The following LCORL variants were observed in gnomAD, a reference collection of about 807,000 sequenced individuals.
LCORL encodes the protein ligand dependent nuclear receptor corepressor like, also known as ligand-dependent nuclear receptor corepressor-like protein.
A neutral mutation model predicts 141.8 loss-of-function variants in LCORL; 41 were observed. The ratio of observed to expected loss-of-function variants is 0.29; its 90% CI spans 0.23 to 0.38. The LOEUF (loss-of-function observed/expected upper bound fraction) is 0.38. Ranked by LOEUF, LCORL falls within the 10% of genes least tolerant of loss-of-function variation. The pLI, the probability that LCORL is intolerant of heterozygous loss-of-function variation, is 1.00. For missense variants in LCORL, 1,759 were observed against 2,035.0 expected (o/e 0.86, Z 2.61); for synonymous variants, 618 against 694.1 (o/e 0.89, Z 1.72).
chr4:17,891,965 C>T (rs989810651), intron 5 of LCORL, among the ~76,000 whole-genome samples: 2 of 151,942 alleles, frequency 1.3e-5, no homozygotes, highest in Non-Finnish European at 2.9e-5. Context: ...AAAAAAAATC[C>T]GTAAACTTAA....
At chr4:17,861,977 TCAA>T (rs1256620224) in intron 7 of LCORL, among the ~76,000 whole-genome samples, 1 of 152,202 alleles carries the variant, frequency 6.6e-6, no homozygotes, top group Non-Finnish European at 1.5e-5. Flanking sequence ...TCAAAGCCAT[TCAA>T]CAAGTCTCTA....
At chr4:17,898,654 T>G (rs1464119746) in intron 5 of LCORL, among the ~76,000 whole-genome samples, 6 of 27,286 alleles carry the variant, frequency 2.2e-4, no homozygotes, top group Non-Finnish European at 8.3e-4. Context: ...TTCTCACCGT[T>G]TTTTTTTTTT....
At chr4:17,864,608 T>C (rs1725420507) in intron 7 of LCORL, among the ~76,000 whole-genome samples, 1 of 152,126 alleles carries the variant, frequency 6.6e-6, no homozygotes, top group South Asian at 2.1e-4. Context: ...GAACAAATAG[T>C]AGGTGGGACA....
intron 4 of LCORL, among the ~76,000 whole-genome samples, chr4:17,919,689 A>C (rs1034577472): frequency 6.6e-6 from 1 of 152,216 alleles, no homozygotes; most frequent in African/African-American, 2.4e-5. Flanking sequence ...CATAACTTCC[A>C]CAGCCCTTGT....
In LCORL at chr4:17,884,811, T is replaced by C; in HGVS notation, c.776+1257A>G. 1 of 958,286 alleles carries C rather than the reference T, an allele frequency of 1.0e-6. No individual in the cohort carries two copies. Among genetic ancestry groups the C allele is most frequent in the South Asian group, 2.3e-5 (1 of 43,974 alleles). The allele number at this position is 958,286 out of a possible 1,614,324, so 59.4% of individuals were successfully genotyped here. ...TGCATGAGAGACTCTCACACAGCTA[T>C]GGAAGGGGAGGGTCCACTCCTTTAT... On this transcript the variant is annotated intron_variant, in intron 6 of 7. Coordinates refer to ENST00000635767, the Ensembl canonical transcript of LCORL. The surrounding 1 kb of genome is among the most constrained non-coding windows in gnomAD (Gnocchi z 4.4).
At chr4:18,004,431 G>C (rs1166846269) in intron 1 of LCORL, among the ~76,000 whole-genome samples, 2 of 152,166 alleles carry the variant, frequency 1.3e-5, no homozygotes, top group South Asian at 4.2e-4. Context: ...CAAGAGAAAA[G>C]TGCTTGTGCA....
intron 7 of LCORL, among the ~76,000 whole-genome samples, chr4:17,869,206 G>C (rs1286934452): frequency 1.3e-5 from 2 of 151,722 alleles, no homozygotes; most frequent in Non-Finnish European, 2.9e-5. Flanking sequence ...TTCCCTATTG[G>C]CTTTTTTCCA....
intron 1 of LCORL, among the ~76,000 whole-genome samples, chr4:18,018,467 CTA>C (rs1724970007): frequency 6.6e-6 from 1 of 152,030 alleles, no homozygotes; most frequent in Admixed American, 6.5e-5. Context: ...GAAAAGAAAA[CTA>C]TGTGGAATGA....
intron 1 of LCORL, among the ~76,000 whole-genome samples, chr4:18,007,901 A>G (rs1450145854): frequency 1.3e-5 from 2 of 152,142 alleles, no homozygotes; most frequent in Non-Finnish European, 2.9e-5. Flanking sequence ...ACAAATACTA[A>G]AAGGTTAAGA....
At chr4:17,894,445 A>G (rs1380065432) in intron 5 of LCORL, among the ~76,000 whole-genome samples, 1 of 152,368 alleles carries the variant, frequency 6.6e-6, no homozygotes, top group Non-Finnish European at 1.5e-5. Flanking sequence ...GATATTTACC[A>G]TAACAGAAAT....
At chr4:17,905,959 TG>T (rs1560319498) in intron 5 of LCORL, among the ~76,000 whole-genome samples, 1 of 152,200 alleles carries the variant, frequency 6.6e-6, no homozygotes. Context: ...AAGGAAGCTA[TG>T]TGAAATATGG....
chr4:18,010,957 G>C (rs889365812), intron 1 of LCORL, among the ~76,000 whole-genome samples: 44 of 152,088 alleles, frequency 2.9e-4, no homozygotes, highest in African/African-American at 9.2e-4. Flanking sequence ...TTTACCCTTA[G>C]CTAGTAAAGT....
rs866949213 is a variant in LCORL at position 17,939,895 on chromosome 4, T to C, written c.430+22008A>G. Among the ~76,000 whole-genome samples the C allele has an allele frequency of 2.2e-3, 240 of 108,252 alleles. 2 individuals carry two copies. Among genetic ancestry groups the C allele is most frequent in the African/African-American group, 9.3e-3 (191 of 20,514 alleles). 71.0% of individuals were successfully genotyped at this position (108,252 alleles called of 152,430 possible). On this transcript the variant is annotated intron_variant, in intron 4 of 7. Transcript: ENST00000635767. ...AGGTACATGTACACACACACACACA[T>C]ATATGTATATATACATATATGTACC...
intron 4 of LCORL, among the ~76,000 whole-genome samples, chr4:17,916,490 T>C (rs1295926094): frequency 2.0e-5 from 3 of 152,066 alleles, no homozygotes; most frequent in African/African-American, 7.2e-5. Context: ...CCTCTCTCTT[T>C]TTCTTTTGCC....
chr4:17,874,336 A>G, exon 7 of LCORL: 3 of 1,233,938 alleles, frequency 2.4e-6, no homozygotes, highest in Non-Finnish European at 3.0e-6. Flanking sequence ...TGCTTTCTGA[A>G]GGGGCTGGCA....
intron 7 of LCORL, among the ~76,000 whole-genome samples, chr4:17,855,258 T>C (rs1288574354): frequency 6.6e-6 from 1 of 152,126 alleles, no homozygotes; most frequent in Non-Finnish European, 1.5e-5. Flanking sequence ...TGAATTTCTA[T>C]AATAAGGTAT....
intron 4 of LCORL, among the ~76,000 whole-genome samples, chr4:17,943,526 A>G (rs1247474250): frequency 6.6e-6 from 1 of 152,248 alleles, no homozygotes; most frequent in Non-Finnish European, 1.5e-5. Context: ...TGGAAGGCTT[A>G]TGAGTTAGCT....
chr4:17,919,680 A>G (rs984277291), intron 4 of LCORL, among the ~76,000 whole-genome samples: 2 of 152,210 alleles, frequency 1.3e-5, no homozygotes, highest in African/African-American at 4.8e-5. Flanking sequence ...TTCTTGGATC[A>G]TAACTTCCAC....
chr4:17,956,013 G>C (rs551098760), intron 4 of LCORL, among the ~76,000 whole-genome samples: 4 of 152,040 alleles, frequency 2.6e-5, no homozygotes, highest in Admixed American at 2.0e-4. Context: ...TAGACATTTC[G>C]CAAAAGAAAG....
Sources: allele counts gnomAD v4.1 joint callset (sites outside exome capture counted in the v4.1 genomes callset), GRCh38; gene constraint gnomAD v4.1.1; non-coding constraint Gnocchi (gnomAD v3.1); transcripts MANE v1.5; gene names NCBI Gene and HGNC (gene_info 2026-07-23, HGNC 2026-07-21).